The following PAK5 variants were observed in gnomAD, a reference collection of about 807,000 sequenced individuals.
PAK5 encodes serine/threonine-protein kinase PAK 5.
PAK5 carries 16 observed loss-of-function variants against 65.9 expected under a neutral mutation model. The ratio of observed to expected loss-of-function variants is 0.24; its 90% CI spans 0.16 to 0.37. PAK5 has a LOEUF of 0.37. Ranked by LOEUF, PAK5 falls within the 10% of genes least tolerant of loss-of-function variation. PAK5 has a pLI of 1.00. For synonymous variants in PAK5, 371 were observed against 354.9 expected, an observed-to-expected ratio of 1.05 and a Z score of -0.51; for missense variants, 785 against 903.9, an observed-to-expected ratio of 0.87 and a Z score of 1.69.
chr20:9,829,615 A>G (rs1481722671), intron 1 of PAK5, among the ~76,000 whole-genome samples: 1 of 152,224 alleles, frequency 6.6e-6, no homozygotes, highest in Non-Finnish European at 1.5e-5. Context: ...CTAATTATGC[A>G]TGTGTGTCTC....
At chr20:9,592,709 C>A (rs537874636) in intron 3 of PAK5, among the ~76,000 whole-genome samples, 4 of 152,152 alleles carry the variant, frequency 2.6e-5, no homozygotes, top group Non-Finnish European at 5.9e-5. Context: ...TGCCAGGCAG[C>A]TGTCATGCAA....
chr20:9,710,411 T>C (rs1017099023), intron 2 of PAK5, among the ~76,000 whole-genome samples: 5 of 152,214 alleles, frequency 3.3e-5, no homozygotes, highest in Admixed American at 1.3e-4. Flanking sequence ...TAGAATAAAT[T>C]ACAATCTGAC....
chr20:9,662,902 A>C (rs1018312918), intron 2 of PAK5, among the ~76,000 whole-genome samples: 1 of 152,304 alleles, frequency 6.6e-6, no homozygotes, highest in Non-Finnish European at 1.5e-5. Context: ...TGGCAGATGC[A>C]GGATTCATGT....
chr20:9,626,584 G>A (rs2046846653), intron 3 of PAK5, among the ~76,000 whole-genome samples: 1 of 152,238 alleles, frequency 6.6e-6, no homozygotes, highest in Non-Finnish European at 1.5e-5. Context: ...AACAGGAAAT[G>A]AGGGTGAGGG....
intron 3 of PAK5, among the ~76,000 whole-genome samples, chr20:9,619,800 C>T (rs894604388): frequency 2.8e-4 from 43 of 152,176 alleles, no homozygotes; most frequent in African/African-American, 1.0e-3. Flanking sequence ...GTTTACTTCC[C>T]TCCCTTGATT....
At chr20:9,707,657 C>G (rs966818977) in intron 2 of PAK5, among the ~76,000 whole-genome samples, 1 of 152,100 alleles carries the variant, frequency 6.6e-6, no homozygotes, top group African/African-American at 2.4e-5. Context: ...TGTTCTGAGG[C>G]CAGGTCTTAA....
intron 1 of PAK5, among the ~76,000 whole-genome samples, chr20:9,808,229 A>G (rs901886719): frequency 2.6e-5 from 4 of 152,304 alleles, no homozygotes; most frequent in Admixed American, 2.0e-4. Flanking sequence ...TGTTTGAAAG[A>G]ATACATAACA....
chr20:9,740,372 C>A (rs1322844594), intron 1 of PAK5, among the ~76,000 whole-genome samples: 1 of 152,118 alleles, frequency 6.6e-6, no homozygotes, highest in Admixed American at 6.6e-5. Context: ...GAATAAGAGG[C>A]CTGGCTCTGT....
At chr20:9,605,277 A>C (rs998986480) in intron 3 of PAK5, among the ~76,000 whole-genome samples, 3 of 152,164 alleles carry the variant, frequency 2.0e-5, no homozygotes, top group African/African-American at 7.2e-5. Context: ...ATGTCAGAGA[A>C]AGCCCTTGGA....
intron 1 of PAK5, among the ~76,000 whole-genome samples, chr20:9,768,505 A>T (rs569179888): frequency 6.6e-6 from 1 of 152,260 alleles, no homozygotes; most frequent in South Asian, 2.1e-4. Flanking sequence ...TAAAGGGGCC[A>T]GGCGCGGTGG....
At chr20:9,764,240 G>C (rs1292861088) in intron 1 of PAK5, among the ~76,000 whole-genome samples, 5 of 152,138 alleles carry the variant, frequency 3.3e-5, no homozygotes, top group Admixed American at 3.3e-4. Flanking sequence ...GATTTTTCAA[G>C]ACAGCTCTAA....
chr20:9,627,751 C>T (rs543957321), intron 3 of PAK5, among the ~76,000 whole-genome samples: 6 of 152,106 alleles, frequency 3.9e-5, no homozygotes, highest in East Asian at 3.9e-4. Flanking sequence ...CTCAGCCTCC[C>T]GAGTAGCTGG....
intron 1 of PAK5, among the ~76,000 whole-genome samples, chr20:9,833,000 C>T (rs1310337327): frequency 6.6e-6 from 1 of 152,154 alleles, no homozygotes; most frequent in Non-Finnish European, 1.5e-5. Context: ...AAAATATATT[C>T]AAATCTTTAT....
intron 3 of PAK5, among the ~76,000 whole-genome samples, chr20:9,618,914 C>CGTT (rs2046714578): frequency 4.6e-5 from 1 of 21,854 alleles, no homozygotes; most frequent in East Asian, 2.0e-3. Flanking sequence ...CTCTTTCTTT[C>CGTT]GTTTTTTTTT....
chr20:9,745,614 T>C (rs1164028200), intron 1 of PAK5, among the ~76,000 whole-genome samples: 5 of 152,154 alleles, frequency 3.3e-5, no homozygotes, highest in African/African-American at 9.6e-5. Context: ...ACTTCTACAC[T>C]AGTGCCTCTT....
chr20:9,825,536 C>A (rs1007372437), intron 1 of PAK5, among the ~76,000 whole-genome samples: 9 of 152,066 alleles, frequency 5.9e-5, no homozygotes, highest in Admixed American at 1.3e-4. Context: ...ATAATCCCTA[C>A]CTCCAGCAAG....
chr20:9,708,633 T>C (rs2048038463), intron 2 of PAK5, among the ~76,000 whole-genome samples: 1 of 152,070 alleles, frequency 6.6e-6, no homozygotes, highest in Non-Finnish European at 1.5e-5. Flanking sequence ...GACCTGATGG[T>C]GGCTTTCAAA....
At chr20:9,725,857 G>A (rs2048271186) in intron 1 of PAK5, among the ~76,000 whole-genome samples, 1 of 151,952 alleles carries the variant, frequency 6.6e-6, no homozygotes, top group African/African-American at 2.4e-5. Flanking sequence ...ATTTTCCAAA[G>A]TTTGATAATG....
intron 1 of PAK5, among the ~76,000 whole-genome samples, chr20:9,820,225 C>G (rs1449982266): frequency 6.6e-6 from 1 of 152,276 alleles, no homozygotes; most frequent in East Asian, 1.9e-4. Flanking sequence ...ATTTCCTCCT[C>G]ATAATATCAA....
Sources: allele counts gnomAD v4.1 joint callset (sites outside exome capture counted in the v4.1 genomes callset), GRCh38; gene constraint gnomAD v4.1.1; transcripts MANE v1.5; gene names NCBI Gene and HGNC (gene_info 2026-07-23, HGNC 2026-07-21).